Variants in BMP1 observed in about 807,000 individuals in gnomAD.
BMP1 encodes the protein bone morphogenetic protein 1.
In BMP1, 63 loss-of-function variants were observed where a neutral mutation model predicts 116.8. That is an observed-to-expected ratio of 0.54 (90% CI 0.44 to 0.67). The LOEUF (loss-of-function observed/expected upper bound fraction) is 0.67. BMP1 is among the 30% of genes least tolerant of loss of function. The probability of loss-of-function intolerance (pLI) is 0.00; values close to 1 mark genes in which losing one functional copy is unlikely to be tolerated. For synonymous variants in BMP1, 536 were observed against 533.4 expected (o/e 1.00, Z -0.07); for missense variants, 1,183 against 1,358.9 (o/e 0.87, Z 2.04).
At chr8:22,171,869 A>G (rs1828286769) in intron 1 of BMP1, among the ~76,000 whole-genome samples, 1 of 152,220 alleles carries the variant, frequency 6.6e-6, no homozygotes, top group Non-Finnish European at 1.5e-5. Flanking sequence ...GAAGAATATC[A>G]GCGTGGCAAT....
rs567435134 is a variant in BMP1, at chr8:22,172,064, G to T, written c.149-1538G>T. On this transcript the variant is annotated intron_variant, in intron 1 of 19. Coordinates refer to ENST00000306385, the MANE Select transcript of BMP1 (RefSeq NM_006129.5). Reference sequence around the variant, plus strand: ...TCTGATTCTGTATGTGATGAAGTCAGTGTGTGTGTGTGTTCACCAGTGAGG... The same window carrying T: ...TCTGATTCTGTATGTGATGAAGTCATTGTGTGTGTGTGTTCACCAGTGAGG... Among the ~76,000 whole-genome samples, 8 of 152,026 alleles carry T rather than the reference G, an allele frequency of 5.3e-5. No homozygotes were observed. The East Asian group carries it at 1.5e-3, about 29-fold the overall frequency.
chr8:22,180,545 T>G, intron 8 of BMP1, 62 bp downstream of exon 8: 1 of 1,468,968 alleles, frequency 6.8e-7, no homozygotes, highest in South Asian at 1.2e-5. Flanking sequence ...CCTCAGGGAC[T>G]TCTCCCACAG....
intron 8 of BMP1, among the ~76,000 whole-genome samples, chr8:22,183,787 G>T (rs988973512): frequency 2.6e-5 from 4 of 152,156 alleles, no homozygotes; most frequent in African/African-American, 9.6e-5. Context: ...TGTTGGTCAG[G>T]CTGGTCTCGA....
intron 16 of BMP1, among the ~76,000 whole-genome samples, chr8:22,203,956 T>A (rs1238925544): frequency 6.6e-6 from 1 of 152,254 alleles, no homozygotes; most frequent in African/African-American, 2.4e-5. Flanking sequence ...ATGGCCTGTT[T>A]ACCTTTCCAT....
At chr8:22,189,866 C>G (rs977097277) in intron 8 of BMP1, among the ~76,000 whole-genome samples, 3 of 152,156 alleles carry the variant, frequency 2.0e-5, no homozygotes, top group Admixed American at 6.6e-5. Flanking sequence ...GTAACAATAA[C>G]TTTTGATGAT....
chr8:22,204,837 G>A (rs1191979053), intron 16 of BMP1, among the ~76,000 whole-genome samples: 2 of 151,784 alleles, frequency 1.3e-5, no homozygotes, highest in Non-Finnish European at 2.9e-5. Flanking sequence ...TGTGGCCATA[G>A]CGAGTGTTCT....
chr8:22,212,162 A>C lies in BMP1; in HGVS notation c.*434A>C. On this transcript the variant is annotated 3_prime_UTR_variant, in exon 20 of 20. Transcript: ENST00000306385. ...TTTTATTTTGAGCCCCCATTCCACCACCCCAGTTTCCTGGGGCACAAGTGT... is the reference window on the plus strand; with the variant it reads ...TTTTATTTTGAGCCCCCATTCCACCCCCCCAGTTTCCTGGGGCACAAGTGT... The C allele has an allele frequency of 5.7e-6, 1 of 175,912 alleles. No individual in the cohort carries two copies. Among genetic ancestry groups the C allele is most frequent in the Non-Finnish European group, 1.2e-5 (1 of 81,084 alleles). 10.9% of individuals were successfully genotyped at this position (175,912 alleles called of 1,614,324 possible). A position where few individuals can be genotyped will look rare whatever the true frequency, so the allele number is the denominator to read the frequency against.
At chr8:22,188,503 A>G (rs1243738458) in intron 8 of BMP1, among the ~76,000 whole-genome samples, 1 of 152,162 alleles carries the variant, frequency 6.6e-6, no homozygotes, top group Non-Finnish European at 1.5e-5. Flanking sequence ...ACTGAGCCTT[A>G]AGGAAGCCGA....
intron 6 of BMP1, among the ~76,000 whole-genome samples, chr8:22,178,653 C>G (rs951115479): frequency 5.3e-5 from 8 of 152,142 alleles, no homozygotes; most frequent in Non-Finnish European, 1.2e-4. Flanking sequence ...GGACTAGCCC[C>G]CATGCCCAGC....
rs199558311 is a variant in BMP1 at position 22,211,548 on chromosome 8, C to T, written c.2827-46C>T. The T allele has an allele frequency of 1.4e-3, 2,179 of 1,612,616 alleles. 2 individuals carry two copies. The highest frequency in any genetic ancestry group is 1.7e-3 in the Non-Finnish European group (2,019 of 1,179,092). ...GATCTTGGGGAGGCAGGACAGCAGC[C>T]CCAGCCCCTCTTCCTCCACCTTACC... On this transcript the variant is annotated intron_variant, in intron 19 of 19. Transcript: ENST00000306385.
At chr8:22,187,332 T>A (rs143022885) in intron 8 of BMP1, among the ~76,000 whole-genome samples, 3,424 of 148,868 alleles carry the variant, frequency 0.023, 47 homozygotes, top group East Asian at 0.054. Context: ...TTAATTAATT[T>A]ATTTATTTAT....
rs57535646 is a variant in BMP1 at position 22,180,223 on chromosome 8, T to C, written c.962-145T>C. On this transcript the variant is annotated intron_variant, in intron 7 of 19. Transcript: ENST00000306385. ...ATGTGAGGTAGGGGGGTGGATCTTA[T>C]AGGGGCAGGACCATTGCAGACACCC... 0.094 allele frequency: 65,567 copies of C among 695,684 alleles called. 6,545 individuals carry two copies. Among genetic ancestry groups the C allele is most frequent in the African/African-American group, 0.4 (22,657 of 56,686 alleles). The allele number at this position is 695,684 out of a possible 1,614,324, so 43.1% of individuals were successfully genotyped here. A position where few individuals can be genotyped will look rare whatever the true frequency, so the allele number is the denominator to read the frequency against.
chr8:22,189,851 T>C (rs1363008948), intron 8 of BMP1, among the ~76,000 whole-genome samples: 2 of 152,232 alleles, frequency 1.3e-5, no homozygotes, highest in African/African-American at 4.8e-5. Context: ...CCAGGACTTA[T>C]AATAGTAACA....
At chr8:22,197,442 C>G in intron 15 of BMP1, 22 bp downstream of exon 15, 1 of 1,585,904 alleles carries the variant, frequency 6.3e-7, no homozygotes, top group Non-Finnish European at 8.6e-7. Flanking sequence ...CTGCCCAGCT[C>G]CTAGCCCCAC....
intron 19 of BMP1, among the ~76,000 whole-genome samples, chr8:22,209,897 A>G (rs2131905403): frequency 6.6e-6 from 1 of 152,384 alleles, no homozygotes; most frequent in South Asian, 2.1e-4. Context: ...CCGACGTAGG[A>G]AACCAAGTCC....
intron 7 of BMP1, 100 bp from the exon 8 acceptor site, chr8:22,180,268 T>A: frequency 1.1e-6 from 1 of 934,080 alleles, no homozygotes; most frequent in South Asian, 1.4e-5. Flanking sequence ...TCAGGCATTC[T>A]CCCCTCCCCC....
At chr8:22,199,096 G>A (rs763891678) in intron 15 of BMP1, 10 of 1,367,088 alleles carry the variant, frequency 7.3e-6, no homozygotes, top group Middle Eastern at 2.1e-4. Context: ...TGCCCTGGTC[G>A]ACACTGTGCC....
chr8:22,211,006 C>G (rs1829454003), intron 19 of BMP1, among the ~76,000 whole-genome samples: 1 of 152,208 alleles, frequency 6.6e-6, no homozygotes, highest in Non-Finnish European at 1.5e-5. Context: ...GCAGGAGGCA[C>G]CTAAGAAGGG....
chr8:22,187,799 G>C (rs1303807999), intron 8 of BMP1, among the ~76,000 whole-genome samples: 1 of 152,084 alleles, frequency 6.6e-6, no homozygotes, highest in African/African-American at 2.4e-5. Flanking sequence ...AACATTTATT[G>C]AGTGCTTACT....
Sources: allele counts gnomAD v4.1 joint callset (sites outside exome capture counted in the v4.1 genomes callset), GRCh38; gene constraint gnomAD v4.1.1; transcripts MANE v1.5; gene names NCBI Gene and HGNC (gene_info 2026-07-23, HGNC 2026-07-21).